MAST4: variants seen among roughly 807,000 people sequenced by gnomAD.
MAST4 encodes microtubule-associated serine/threonine-protein kinase 4.
MAST4 carries 89 observed loss-of-function variants against 162.7 expected under a neutral mutation model. The ratio of observed to expected loss-of-function variants is 0.55; its 90% confidence interval spans 0.46 to 0.65. The LOEUF is 0.65. Ranked by LOEUF, MAST4 falls within the 30% of genes least tolerant of loss-of-function variation. The pLI is 0.00. For missense variants in MAST4, 3,153 were observed against 3,374.0 expected (o/e 0.93, Z 1.62); for synonymous variants, 1,479 against 1,361.1 (o/e 1.09, Z -1.91).
intron 2 of MAST4, among the ~76,000 whole-genome samples, chr5:66,764,668 T>C (rs928685550): frequency 1.3e-5 from 2 of 152,076 alleles, no homozygotes; most frequent in African/African-American, 4.8e-5. Flanking sequence ...AAAAAGCTTA[T>C]AGAATAAGGA....
At chr5:66,661,713 G>C (rs1379572066) in intron 1 of MAST4, among the ~76,000 whole-genome samples, 5 of 152,070 alleles carry the variant, frequency 3.3e-5, no homozygotes, top group Non-Finnish European at 7.4e-5. Flanking sequence ...GCAAGAGAAA[G>C]ACCAAAAAAG....
At position 67,165,612 on chromosome 5, in the gene MAST4, A is replaced by G; in HGVS notation, c.6433A>G (p.Ser2145Gly). The change falls in exon 29 of 29, where the codon AGC becomes GGC. Residue 2145 changes from serine (S) to glycine (G), a missense_variant. Around this residue, in one of 7 missense-constraint regions of MAST4, gnomAD observed 1,644 missense variants for 1,495.0 expected, o/e 1.10. Transcript: ENST00000403625. ...PPPLTAKDLS[S>G]PAARQHCSSP... ...CCCTCTGACGGCCAAAGACCTGTCC[A>G]GCCCGGCTGCCAGGCAGCATTGCAG... 1 of 1,613,542 alleles carries G rather than the reference A, an allele frequency of 6.2e-7. No homozygotes were observed. Among genetic ancestry groups the G allele is most frequent in the Non-Finnish European group, 8.5e-7 (1 of 1,179,722 alleles).
chr5:66,896,516 G>T (rs1336686950), intron 3 of MAST4, among the ~76,000 whole-genome samples: 1 of 152,136 alleles, frequency 6.6e-6, no homozygotes, highest in Non-Finnish European at 1.5e-5. Flanking sequence ...TTGAAGAAGG[G>T]AGTATCTACA....
intron 4 of MAST4, among the ~76,000 whole-genome samples, chr5:66,982,284 A>G (rs113726573): frequency 0.017 from 2,559 of 152,180 alleles, 84 homozygotes; most frequent in African/African-American, 0.058. Flanking sequence ...GCTTTCTTTT[A>G]ACTTCTCCAT....
At chr5:67,051,161 T>G (rs1581352012) in intron 4 of MAST4, among the ~76,000 whole-genome samples, 2 of 149,996 alleles carry the variant, frequency 1.3e-5, no homozygotes, top group South Asian at 4.2e-4. Context: ...ACATCACCTG[T>G]TTTTCCCTTG....
chr5:66,996,574 G>A (rs971666254), intron 4 of MAST4, among the ~76,000 whole-genome samples: 1 of 152,112 alleles, frequency 6.6e-6, no homozygotes, highest in African/African-American at 2.4e-5. Context: ...TGAAATCAAG[G>A]TGTCGGCTGG....
intron 3 of MAST4, among the ~76,000 whole-genome samples, chr5:66,826,236 T>G (rs1017605106): frequency 2.0e-5 from 3 of 152,032 alleles, no homozygotes; most frequent in African/African-American, 4.8e-5. Flanking sequence ...TAATCGATAT[T>G]TTTTCATACT....
chr5:66,913,280 C>G (rs1408621288), intron 4 of MAST4, among the ~76,000 whole-genome samples: 1 of 152,156 alleles, frequency 6.6e-6, no homozygotes, highest in African/African-American at 2.4e-5. Flanking sequence ...ATTGCTCCCC[C>G]ACCCCCACAT....
chr5:66,775,036 TATGTGTGTG>T (rs1754530507), intron 2 of MAST4, among the ~76,000 whole-genome samples: 1 of 99,744 alleles, frequency 1.0e-5, no homozygotes, highest in Non-Finnish European at 2.1e-5. Flanking sequence ...TGTGTGTGTG[TATGTGTGTG>T]TTTTCCCCCT....
At chr5:66,876,093 A>G (rs1435685260) in intron 3 of MAST4, among the ~76,000 whole-genome samples, 4 of 152,206 alleles carry the variant, frequency 2.6e-5, no homozygotes, top group Admixed American at 1.3e-4. Flanking sequence ...TTTTAAAAAA[A>G]TGCTTATCGT....
intron 4 of MAST4, chr5:66,986,542 A>G: frequency 7.0e-7 from 1 of 1,434,504 alleles, no homozygotes; most frequent in African/African-American, 1.4e-5. Flanking sequence ...CCTTTCCAGT[A>G]CTTTCTCTCT....
In MAST4 at chr5:67,168,372, AAG is replaced by A. The variant is rs1211495303; in HGVS notation, c.*1325_*1326del. 6.6e-6 allele frequency: 1 copy of A among 152,164 alleles called. No individual in the cohort carries two copies. The highest frequency in any genetic ancestry group is 2.4e-5 in the African/African-American group (1 of 41,440). The allele number at this position is 152,164 out of a possible 1,614,324, so 9.4% of individuals were successfully genotyped here. A position where few individuals can be genotyped will look rare whatever the true frequency, so the allele number is the denominator to read the frequency against. On this transcript the variant is annotated 3_prime_UTR_variant, in exon 29 of 29. Transcript: ENST00000403625. ...AATACAGAGCAGCATTTTTGTAACA[AAG>A]AGACTCGCTGGAGCTATTTGGTGCT...
intron 4 of MAST4, among the ~76,000 whole-genome samples, chr5:66,924,993 A>G (rs1372816640): frequency 1.3e-5 from 2 of 152,240 alleles, no homozygotes; most frequent in African/African-American, 2.4e-5. Context: ...GAGTATTTAT[A>G]TTATAGAAAA....
At chr5:66,603,613 A>C (rs140077954) in intron 1 of MAST4, among the ~76,000 whole-genome samples, 1 of 152,370 alleles carries the variant, frequency 6.6e-6, no homozygotes, top group Non-Finnish European at 1.5e-5. Context: ...GGAATGCAAT[A>C]GAACTTTCAA....
intron 3 of MAST4, among the ~76,000 whole-genome samples, chr5:66,849,710 C>G (rs1354312617): frequency 6.6e-6 from 1 of 152,178 alleles, no homozygotes; most frequent in Non-Finnish European, 1.5e-5. Context: ...AGAAAATTGT[C>G]TTGCCCCCGT....
chr5:66,602,719 G>A lies in MAST4; in HGVS notation c.363+5701G>A, dbSNP rs184047895. On this transcript the variant is annotated intron_variant, in intron 1 of 28. Coordinates refer to ENST00000403625, the MANE Select transcript of MAST4 (RefSeq NM_001164664.2). Reference sequence around the variant, plus strand: ...GTGTTTTAGATGAAAACCACCCTGCGTGTTTTCTGGTTATGTTCTTACATT... The same window carrying A: ...GTGTTTTAGATGAAAACCACCCTGCATGTTTTCTGGTTATGTTCTTACATT... Among the ~76,000 whole-genome samples, 13 of 152,276 alleles carry A rather than the reference G, an allele frequency of 8.5e-5. No individual in the cohort carries two copies. In the East Asian group the frequency reaches 9.7e-4, roughly 11 times the overall value.
chr5:67,140,744 C>T (rs925920049), intron 19 of MAST4, among the ~76,000 whole-genome samples: 3 of 152,182 alleles, frequency 2.0e-5, no homozygotes, highest in African/African-American at 7.2e-5. Context: ...TTAAAGGAAA[C>T]AAGACATCTG....
At chr5:66,764,038 C>A (rs957365989) in intron 2 of MAST4, among the ~76,000 whole-genome samples, 8 of 152,250 alleles carry the variant, frequency 5.3e-5, no homozygotes, top group Admixed American at 3.9e-4. Context: ...TTTTTGAACC[C>A]GAGTTTTTCT....
intron 1 of MAST4, among the ~76,000 whole-genome samples, chr5:66,716,628 T>A (rs1375779054): frequency 6.6e-6 from 1 of 152,144 alleles, no homozygotes; most frequent in Admixed American, 6.5e-5. Context: ...CCCAAAGTGC[T>A]GGGATTATAG....
Sources: gnomAD v4.1 joint callset for allele counts (sites outside exome capture counted in the v4.1 genomes callset) on GRCh38, gnomAD v4.1.1 for gene constraint, gnomAD v4.1.1 regional missense constraint, MANE v1.5 for transcripts, NCBI Gene and HGNC (gene_info 2026-07-23, HGNC 2026-07-21) for gene names.